ANKRD11: variants seen among roughly 807,000 people sequenced by gnomAD.
ANKRD11 encodes the protein ankyrin repeat domain 11.
A neutral mutation model predicts 195.7 loss-of-function variants in ANKRD11; 17 were observed. The ratio of observed to expected loss-of-function variants is 0.09; its 90% confidence interval spans 0.06 to 0.13. The LOEUF (loss-of-function observed/expected upper bound fraction) is 0.13. Among genes scored for constraint, ANKRD11 ranks in the 10% least tolerant of loss-of-function variants. The pLI is 1.00. For missense variants in ANKRD11, 3,735 were observed against 3,566.1 expected (o/e 1.05, Z -1.21); for synonymous variants, 1,953 against 1,528.1 (o/e 1.28, Z -6.49).
chr16:89,283,700 C>G lies in ANKRD11; in HGVS notation c.2842G>C (p.Gly948Arg). 6.2e-7 allele frequency: 1 copy of G among 1,613,412 alleles called. No homozygotes were observed. The highest frequency in any genetic ancestry group is 8.5e-7 in the Non-Finnish European group (1 of 1,180,036). The change falls in exon 9 of 13, where the codon GGG (glycine) becomes CGG (arginine). Residue 948 changes from glycine to arginine, a missense_variant. Transcript: ENST00000301030. This position sits in a 1 kb window ranked among gnomAD's most constrained non-coding sequence, Gnocchi z 4.3. The stretch of plus-strand genomic sequence containing the variant: ...TCCAGGGCGTCCTTTCTGTCCCGCC[C>G]GGCCTCTGCGGACTCTCTCCTCTTC... ...DKKRRESAEA[G>R]RDRKDALESC...
At position 89,280,173 on chromosome 16, in the gene ANKRD11, G is replaced by C; in HGVS notation, c.6369C>G (p.Ala2123=). ...CCAGGTCGTCCTCGGGGCCGGCGAA[G>C]GCGTCCGCCCAGGGCACCGGCTCCA... The part of the protein sequence containing the change: ...GQVEPVPWAD[A]FAGPEDDLDL... The change falls in exon 9 of 13, where the codon GCC becomes GCG. Residue 2123 remains alanine, a synonymous_variant. Transcript: ENST00000301030. The C allele has an allele frequency of 6.2e-7, 1 of 1,609,596 alleles. No individual in the cohort carries two copies. Among genetic ancestry groups the C allele is most frequent in the African/African-American group, 1.3e-5 (1 of 75,022 alleles).
chr16:89,487,463 T>C (rs1362418857), intron 1 of ANKRD11, among the ~76,000 whole-genome samples: 2 of 152,180 alleles, frequency 1.3e-5, no homozygotes, highest in African/African-American at 4.8e-5. Context: ...AACCTTTCTA[T>C]GTCAAATCTA....
In ANKRD11 at chr16:89,282,522, G is replaced by A; in HGVS notation, c.4020C>T (p.Leu1340=). ...GDDKPRESAC[L]PEKLKEKERH... ...TCTCCTTCTCTTTCAGCTTCTCAGG[G>A]AGGCAGGCGCTCTCCCTCGGCTTGT... The change falls in exon 9 of 13, where the codon CTC becomes CTT. Residue 1340 remains leucine (L), a synonymous_variant. Coordinates refer to ENST00000301030, the MANE Select transcript of ANKRD11 (RefSeq NM_013275.6). 2 of 1,614,024 alleles carry A rather than the reference G, an allele frequency of 1.2e-6. No individual in the cohort carries two copies. The highest frequency in any genetic ancestry group is 2.2e-5 in the East Asian group (1 of 44,868).
chr16:89,466,236 G>T (rs1239351256), intron 1 of ANKRD11, among the ~76,000 whole-genome samples: 5 of 152,008 alleles, frequency 3.3e-5, no homozygotes, highest in South Asian at 2.1e-4. Flanking sequence ...AAGAAATGAT[G>T]ATCTTATTTA....
intron 1 of ANKRD11, among the ~76,000 whole-genome samples, chr16:89,467,228 T>C (rs571079651): frequency 6.6e-6 from 1 of 151,750 alleles, no homozygotes; most frequent in East Asian, 1.9e-4. Flanking sequence ...GCCCAGGAGT[T>C]TGAGATGGGC....
At chr16:89,444,515 G>A (rs570351000) in intron 1 of ANKRD11, among the ~76,000 whole-genome samples, 1 of 152,258 alleles carries the variant, frequency 6.6e-6, no homozygotes, top group African/African-American at 2.4e-5. Context: ...GCGTTACCCT[G>A]GAGCTAGTCC....
chr16:89,469,047 A>G (rs1359251977), intron 1 of ANKRD11, among the ~76,000 whole-genome samples: 1 of 152,188 alleles, frequency 6.6e-6, no homozygotes, highest in Non-Finnish European at 1.5e-5. Flanking sequence ...GAAATCCCAC[A>G]GCAAACATCA....
chr16:89,455,349 A>C (rs912848185), intron 1 of ANKRD11, among the ~76,000 whole-genome samples: 6 of 152,088 alleles, frequency 3.9e-5, no homozygotes, highest in African/African-American at 1.4e-4. Flanking sequence ...GGGTGCTGTT[A>C]GGGTTCCTCA....
intron 2 of ANKRD11, among the ~76,000 whole-genome samples, chr16:89,340,548 T>C (rs1253387906): frequency 2.0e-5 from 3 of 152,246 alleles, no homozygotes; most frequent in African/African-American, 7.2e-5. Context: ...GTGCTGGGAT[T>C]ACAGGCATGA....
chr16:89,433,148 A>T (rs1413414895), intron 1 of ANKRD11, among the ~76,000 whole-genome samples: 1 of 152,178 alleles, frequency 6.6e-6, no homozygotes, highest in Non-Finnish European at 1.5e-5. Flanking sequence ...ATTCACCATA[A>T]GATGTAGTTT....
At chr16:89,434,524 C>T (rs2152277668) in intron 1 of ANKRD11, among the ~76,000 whole-genome samples, 1 of 152,346 alleles carries the variant, frequency 6.6e-6, no homozygotes, top group East Asian at 1.9e-4. Context: ...GCCCAGGCCA[C>T]CTGAGCCCCA....
chr16:89,394,560 G>A (rs946838192), intron 2 of ANKRD11, among the ~76,000 whole-genome samples: 4 of 151,952 alleles, frequency 2.6e-5, no homozygotes, highest in South Asian at 2.1e-4. Flanking sequence ...CCCAGGAGGC[G>A]GAGGTTGCAG....
intron 2 of ANKRD11, among the ~76,000 whole-genome samples, chr16:89,396,875 C>T (rs2041458801): frequency 6.6e-6 from 1 of 152,066 alleles, no homozygotes; most frequent in Admixed American, 6.6e-5. Flanking sequence ...TTAGTAAAGA[C>T]GGGGTTTCAC....
Position 89,285,773 on chromosome 16 carries a change from C to G in ANKRD11, c.893-124G>C, listed in dbSNP as rs933011721. On this transcript the variant is annotated intron_variant, in intron 8 of 12. Coordinates refer to ENST00000301030, the MANE Select transcript of ANKRD11 (RefSeq NM_013275.6). This position sits in a 1 kb window ranked among gnomAD's most constrained non-coding sequence, Gnocchi z 5.6. Reference sequence around the variant, plus strand: ...TTCCCACCCTGCCTCTGCAGAGACACTTTGCTCGACTCATGGAAACCAGCC... The same window carrying G: ...TTCCCACCCTGCCTCTGCAGAGACAGTTTGCTCGACTCATGGAAACCAGCC... 8.6e-7 allele frequency: 1 copy of G among 1,168,058 alleles called. No individual in the cohort carries two copies. The highest frequency in any genetic ancestry group is 1.5e-5 in the African/African-American group (1 of 65,802). 72.4% of individuals were successfully genotyped at this position (1,168,058 alleles called of 1,614,324 possible). A position where few individuals can be genotyped will look rare whatever the true frequency, so the allele number is the denominator to read the frequency against.
intron 1 of ANKRD11, among the ~76,000 whole-genome samples, chr16:89,433,019 C>T (rs1036661792): frequency 6.6e-6 from 1 of 150,558 alleles, no homozygotes; most frequent in Non-Finnish European, 1.5e-5. Flanking sequence ...CACACACACA[C>T]GAAATATATG....
At chr16:89,292,116 C>A (rs1028302566) in intron 4 of ANKRD11, among the ~76,000 whole-genome samples, 7 of 152,196 alleles carry the variant, frequency 4.6e-5, no homozygotes, top group Admixed American at 1.3e-4. Context: ...TGGGGTGAAA[C>A]TGCAGAGGTG....
At chr16:89,313,718 C>T (rs1352038712) in intron 3 of ANKRD11, 1 of 699,370 alleles carries the variant, frequency 1.4e-6, no homozygotes, top group East Asian at 6.6e-5. Flanking sequence ...CACCTGAGTT[C>T]TGGCACTTGG....
At chr16:89,431,747 A>T (rs2042987623) in intron 1 of ANKRD11, among the ~76,000 whole-genome samples, 1 of 152,144 alleles carries the variant, frequency 6.6e-6, no homozygotes, top group Admixed American at 6.5e-5. Context: ...ATCAGAGTTG[A>T]ACCCACTGAA....
chr16:89,430,957 G>A (rs557896931), intron 1 of ANKRD11, among the ~76,000 whole-genome samples: 14 of 152,118 alleles, frequency 9.2e-5, no homozygotes, highest in Admixed American at 8.5e-4. Flanking sequence ...AAGTGGGTGC[G>A]CAGGCGGAGA....
Sources: allele counts gnomAD v4.1 joint callset (sites outside exome capture counted in the v4.1 genomes callset), GRCh38; gene constraint gnomAD v4.1.1; non-coding constraint Gnocchi (gnomAD v3.1); transcripts MANE v1.5; gene names NCBI Gene and HGNC (gene_info 2026-07-23, HGNC 2026-07-21).